Variants in N4BP2 observed in about 807,000 individuals in gnomAD.
The protein encoded by N4BP2 is NEDD4-binding protein 2.
N4BP2 carries 91 observed loss-of-function variants against 152.8 expected under a neutral mutation model. The observed-to-expected ratio is 0.60, with a 90% confidence interval of 0.50 to 0.71. The LOEUF is 0.71. N4BP2 is among the 30% of genes least tolerant of loss of function. The pLI is 0.00. For missense variants in N4BP2, 1,923 were observed against 2,059.1 expected (o/e 0.93, Z 1.28); for synonymous variants, 646 against 705.3 (o/e 0.92, Z 1.33).
At position 40,121,614 on chromosome 4, in the gene N4BP2, CT is replaced by C; in HGVS notation, c.3506del (p.Leu1169Ter). 1 of 1,614,118 alleles carries C rather than the reference CT, an allele frequency of 6.2e-7. No homozygotes were observed. The highest frequency in any genetic ancestry group is 8.5e-7 in the Non-Finnish European group (1 of 1,180,004). On this transcript the variant is annotated frameshift_variant, in exon 9 of 18. Coordinates refer to ENST00000261435, the MANE Select transcript of N4BP2 (RefSeq NM_018177.6). LOFTEE classifies it high-confidence loss of function. ...AAAGAAATTATTAGCCAAAGAGGAA[CT>C]TTAGAGAATTCTAATTCTCCTGTGC... ...NLKEIISQRG[T>X]LENSNSPVPE...
chr4:40,081,673 A>T (rs1459895657), intron 2 of N4BP2, among the ~76,000 whole-genome samples: 1 of 151,788 alleles, frequency 6.6e-6, no homozygotes, highest in East Asian at 1.9e-4. Flanking sequence ...AAAAAACTAC[A>T]GTTAAATATT....
chr4:40,186,257 A>G, the N4BP2 span, among the ~76,000 whole-genome samples: 1 of 144,422 alleles, frequency 6.9e-6, no homozygotes, highest in Non-Finnish European at 1.6e-5. Flanking sequence ...TGGTTCAGTG[A>G]TTCTCCCCTG....
intron 1 of N4BP2, among the ~76,000 whole-genome samples, chr4:40,070,713 A>T (rs1032253673): frequency 5.9e-5 from 9 of 152,074 alleles, no homozygotes; most frequent in Admixed American, 1.3e-4. Context: ...GGCCTCGCAA[A>T]GTGCTGGGAT....
At chr4:40,075,321 T>C (rs1272437271) in intron 2 of N4BP2, among the ~76,000 whole-genome samples, 1 of 152,164 alleles carries the variant, frequency 6.6e-6, no homozygotes, top group African/African-American at 2.4e-5. Flanking sequence ...GAATTAAAGG[T>C]ATATATTTTT....
intron 2 of N4BP2, among the ~76,000 whole-genome samples, chr4:40,074,367 A>G (rs1256703013): frequency 1.9e-4 from 29 of 151,938 alleles, no homozygotes; most frequent in Admixed American, 1.9e-3. Flanking sequence ...CTGGAATTAC[A>G]GGCGTGAGCC....
the N4BP2 span, among the ~76,000 whole-genome samples, chr4:40,169,379 C>T: frequency 3.2e-5 from 3 of 95,066 alleles, no homozygotes; most frequent in African/African-American, 1.2e-4. Flanking sequence ...AAGACTGTCT[C>T]AAAAAAAAAA....
At chr4:40,141,212 C>G (rs1293038697) in intron 14 of N4BP2, among the ~76,000 whole-genome samples, 1 of 135,154 alleles carries the variant, frequency 7.4e-6, no homozygotes, top group Non-Finnish European at 1.6e-5. Context: ...GCTGGCCTGG[C>G]GGGGGGCTGA....
chr4:40,152,996 A>T (rs547589478), intron 17 of N4BP2, 93 bp downstream of exon 17: 1 of 1,284,230 alleles, frequency 7.8e-7, no homozygotes. Flanking sequence ...TATTGATAAT[A>T]GCAATAGCCC....
intron 16 of N4BP2, among the ~76,000 whole-genome samples, chr4:40,149,823 G>C (rs1430723852): frequency 6.6e-6 from 1 of 151,794 alleles, no homozygotes; most frequent in Non-Finnish European, 1.5e-5. Flanking sequence ...TGTGAACCAG[G>C]GAGGCGAAGC....
chr4:40,099,117 C>T (rs1470565668), intron 3 of N4BP2, among the ~76,000 whole-genome samples: 1 of 152,034 alleles, frequency 6.6e-6, no homozygotes, highest in East Asian at 1.9e-4. Flanking sequence ...GTAAGAACTG[C>T]TTTGGCTCTT....
intron 13 of N4BP2, among the ~76,000 whole-genome samples, chr4:40,136,060 G>A (rs550616965): frequency 6.6e-6 from 1 of 152,272 alleles, no homozygotes; most frequent in South Asian, 2.1e-4. Flanking sequence ...AGATAATATA[G>A]TATCACCGTC....
intron 1 of N4BP2, among the ~76,000 whole-genome samples, chr4:40,072,393 G>A (rs1176049696): frequency 6.6e-6 from 1 of 151,714 alleles, no homozygotes; most frequent in Non-Finnish European, 1.5e-5. Context: ...TTATAGGCAC[G>A]TGCCACCATG....
chr4:40,145,640 A>G (rs1383535329), intron 16 of N4BP2, among the ~76,000 whole-genome samples: 6 of 152,242 alleles, frequency 3.9e-5, no homozygotes, highest in Non-Finnish European at 1.5e-5. Context: ...CTCTTCAAGT[A>G]TATAGAAGTG....
intron 16 of N4BP2, 103 bp from the exon 17 acceptor site, chr4:40,152,677 C>G: frequency 7.6e-7 from 1 of 1,320,314 alleles, no homozygotes; most frequent in East Asian, 2.3e-5. Context: ...ACCCCAAAAT[C>G]CTCATGAAAA....
intron 16 of N4BP2, among the ~76,000 whole-genome samples, chr4:40,147,849 C>T (rs372103367): frequency 1.3e-5 from 2 of 151,526 alleles, no homozygotes; most frequent in Admixed American, 6.6e-5. Context: ...ACCTCCCAGA[C>T]GGGGTCGCGG....
the N4BP2 span, among the ~76,000 whole-genome samples, chr4:40,182,347 A>G: frequency 6.6e-6 from 1 of 152,258 alleles, no homozygotes; most frequent in African/African-American, 2.4e-5. Flanking sequence ...GGTCAGGCTG[A>G]GAAGTTTCCT....
downstream of N4BP2, among the ~76,000 whole-genome samples, chr4:40,159,721 T>C (rs1321119874): frequency 1.3e-5 from 2 of 152,210 alleles, no homozygotes; most frequent in Non-Finnish European, 2.9e-5. Flanking sequence ...TGAAATTTGG[T>C]ATTCTCTTGG....
rs754865711 is a variant in N4BP2, at chr4:40,144,624, T to C, written c.4975-8T>C. On this transcript the variant is annotated splice_polypyrimidine_tract_variant and splice_region_variant and intron_variant, in intron 15 of 17. Transcript: ENST00000261435. ...AAACTGTCCCTTGGTGATATGTTTA[T>C]GATTTAGGGTACTCTTCATGAGCAG... 1.9e-6 allele frequency: 3 copies of C among 1,599,270 alleles called. No individual in the cohort carries two copies. The highest frequency in any genetic ancestry group is 2.2e-5 in the East Asian group (1 of 44,628).
chr4:40,108,878 G>A (rs1265738518), intron 5 of N4BP2, among the ~76,000 whole-genome samples: 1 of 150,688 alleles, frequency 6.6e-6, no homozygotes, highest in African/African-American at 2.4e-5. Context: ...GTGCGGTGGC[G>A]TGATCTTGGC....
Sources: gnomAD v4.1 joint callset for allele counts (sites outside exome capture counted in the v4.1 genomes callset) on GRCh38, gnomAD v4.1.1 for gene constraint, MANE v1.5 for transcripts, NCBI Gene and HGNC (gene_info 2026-07-23, HGNC 2026-07-21) for gene names.